The following GUCY1A2 variants were observed in gnomAD, a reference collection of about 807,000 sequenced individuals.
GUCY1A2 encodes the protein guanylate cyclase 1 soluble subunit alpha 2.
Under a neutral mutation model 63.5 loss-of-function variants are expected in GUCY1A2, and 27 were observed. That is an observed-to-expected ratio of 0.43 (90% CI 0.31 to 0.59). The LOEUF (loss-of-function observed/expected upper bound fraction) is 0.59. GUCY1A2 is among the 20% of genes least tolerant of loss of function. GUCY1A2 has a pLI of 0.11. For synonymous variants in GUCY1A2, 364 were observed against 343.5 expected, an observed-to-expected ratio of 1.06 and a Z score of -0.66; for missense variants, 768 against 913.3, an observed-to-expected ratio of 0.84 and a Z score of 2.05.
At chr11:106,859,281 T>C (rs1859476768) in intron 4 of GUCY1A2, among the ~76,000 whole-genome samples, 1 of 146,230 alleles carries the variant, frequency 6.8e-6, no homozygotes, top group Admixed American at 6.9e-5. Flanking sequence ...TATTTTTGTA[T>C]GAACATTTGA....
intron 3 of GUCY1A2, among the ~76,000 whole-genome samples, chr11:106,977,934 T>C (rs746920358): frequency 2.2e-4 from 34 of 152,166 alleles, no homozygotes; most frequent in Non-Finnish European, 1.0e-4. Context: ...AAATATTTCT[T>C]TTAGAATACA....
At position 106,825,940 on chromosome 11, in the gene GUCY1A2, A is replaced by AT. The variant is rs1328801590; in HGVS notation, c.1207-15463dup. 2.0e-5 allele frequency among the ~76,000 whole-genome samples: 3 copies of AT among 152,220 alleles called. No homozygotes were observed. In the East Asian group the frequency reaches 5.8e-4, roughly 29 times the overall value. The stretch of plus-strand genomic sequence containing the variant: ...TCAACAAAAAAGGAGTAAGTCATCA[A>AT]TATAAATATTAGCAAACGAGATATT... On this transcript the variant is annotated intron_variant, in intron 4 of 7. Transcript: ENST00000526355.
At chr11:106,797,324 G>A (rs75115457) in intron 5 of GUCY1A2, among the ~76,000 whole-genome samples, 3,174 of 152,090 alleles carry the variant, frequency 0.021, 125 homozygotes, top group East Asian at 0.15. Context: ...GAGGAGCTGC[G>A]TTCCTTTGGA....
At chr11:106,748,894 C>T (rs1863836349) in intron 6 of GUCY1A2, among the ~76,000 whole-genome samples, 2 of 152,018 alleles carry the variant, frequency 1.3e-5, no homozygotes, top group Admixed American at 1.3e-4. Context: ...CATCAGACCT[C>T]ATTGTGCACA....
intron 4 of GUCY1A2, among the ~76,000 whole-genome samples, chr11:106,877,690 T>C: frequency 6.6e-6 from 1 of 152,010 alleles, no homozygotes; most frequent in African/African-American, 2.4e-5. Context: ...ATAATTGAGG[T>C]AATACCATTC....
At chr11:106,930,757 C>A (rs1276351782) in intron 4 of GUCY1A2, among the ~76,000 whole-genome samples, 1 of 152,170 alleles carries the variant, frequency 6.6e-6, no homozygotes, top group Non-Finnish European at 1.5e-5. Context: ...TGTTGCCATG[C>A]CTTTGATATC....
At chr11:106,869,189 T>C (rs1859638353) in intron 4 of GUCY1A2, among the ~76,000 whole-genome samples, 1 of 152,098 alleles carries the variant, frequency 6.6e-6, no homozygotes, top group African/African-American at 2.4e-5. Context: ...ATTCAGGACA[T>C]AGGCACGGGC....
intron 6 of GUCY1A2, among the ~76,000 whole-genome samples, chr11:106,732,256 G>A (rs941345678): frequency 4.6e-5 from 7 of 152,026 alleles, no homozygotes; most frequent in African/African-American, 1.7e-4. Flanking sequence ...TGACAAAGTC[G>A]ACAGAAACAA....
At chr11:106,873,898 G>A (rs778132171) in intron 4 of GUCY1A2, among the ~76,000 whole-genome samples, 43 of 152,010 alleles carry the variant, frequency 2.8e-4, no homozygotes, top group Non-Finnish European at 5.0e-4. Context: ...AATTGTCTAT[G>A]AACTCTCCAT....
intron 6 of GUCY1A2, among the ~76,000 whole-genome samples, chr11:106,774,754 A>T (rs1184714802): frequency 6.6e-6 from 1 of 152,004 alleles, no homozygotes; most frequent in Non-Finnish European, 1.5e-5. Flanking sequence ...TAAATATCTG[A>T]ACTTAGTTAT....
intron 6 of GUCY1A2, among the ~76,000 whole-genome samples, chr11:106,757,789 CCCCTA>C (rs1863999780): frequency 6.6e-6 from 1 of 152,188 alleles, no homozygotes; most frequent in African/African-American, 2.4e-5. Flanking sequence ...TGTCTGTCAG[CCCCTA>C]CTGGGAGATG....
intron 4 of GUCY1A2, chr11:106,826,578 T>A (rs1858974005): frequency 6.2e-7 from 1 of 1,601,238 alleles, no homozygotes; most frequent in Non-Finnish European, 8.6e-7. Context: ...CTTTGGTACA[T>A]CTCAGCATTA....
At chr11:106,987,392 T>C (rs938123873) in intron 1 of GUCY1A2, among the ~76,000 whole-genome samples, 2 of 152,238 alleles carry the variant, frequency 1.3e-5, no homozygotes, top group African/African-American at 4.8e-5. Context: ...GGCTCACGCC[T>C]GTAATCCCAG....
intron 4 of GUCY1A2, among the ~76,000 whole-genome samples, chr11:106,819,600 AAG>A (rs1858875289): frequency 6.6e-6 from 1 of 152,162 alleles, no homozygotes; most frequent in Non-Finnish European, 1.5e-5. Flanking sequence ...TTTTTTTATT[AAG>A]GTATATACAT....
At chr11:107,000,339 A>G (rs919818692) in intron 1 of GUCY1A2, among the ~76,000 whole-genome samples, 2 of 152,120 alleles carry the variant, frequency 1.3e-5, no homozygotes, top group Non-Finnish European at 2.9e-5. Context: ...AAACTCCCTC[A>G]TATCTGTCTG....
chr11:106,974,415 T>G (rs566512146), intron 3 of GUCY1A2, among the ~76,000 whole-genome samples: 2 of 152,218 alleles, frequency 1.3e-5, no homozygotes, highest in South Asian at 4.1e-4. Context: ...AGCTAATTCT[T>G]CACAATTTTA....
chr11:106,774,781 T>A (rs1864325500), intron 6 of GUCY1A2, among the ~76,000 whole-genome samples: 1 of 152,186 alleles, frequency 6.6e-6, no homozygotes, highest in Admixed American at 6.5e-5. Context: ...TTTCTTCAGT[T>A]CTTTTAGTGA....
chr11:106,742,231 G>A (rs1436212665), intron 6 of GUCY1A2, among the ~76,000 whole-genome samples: 1 of 152,002 alleles, frequency 6.6e-6, no homozygotes, highest in Non-Finnish European at 1.5e-5. Context: ...GTGCAGGTTT[G>A]TTACACAGAT....
intron 1 of GUCY1A2, among the ~76,000 whole-genome samples, chr11:107,016,821 C>T (rs1422857456): frequency 1.3e-5 from 2 of 148,994 alleles, no homozygotes; most frequent in Non-Finnish European, 3.0e-5. Context: ...GTTTAAATAG[C>T]TAATGTGAGA....
Sources: allele counts gnomAD v4.1 joint callset (sites outside exome capture counted in the v4.1 genomes callset), GRCh38; gene constraint gnomAD v4.1.1; transcripts MANE v1.5; gene names NCBI Gene and HGNC (gene_info 2026-07-23, HGNC 2026-07-21).